The following RBFOX1 variants were observed in gnomAD, a reference collection of about 807,000 sequenced individuals.
RBFOX1 encodes the protein RNA binding fox-1 homolog 1, also known as RNA binding protein fox-1 homolog 1.
Under a neutral mutation model 57.7 loss-of-function variants are expected in RBFOX1, and 8 were observed. The ratio of observed to expected loss-of-function variants is 0.14; its 90% CI spans 0.08 to 0.25. RBFOX1 has a LOEUF of 0.25. Ranked by LOEUF, RBFOX1 falls within the 10% of genes least tolerant of loss-of-function variation. The pLI, the probability that RBFOX1 is intolerant of heterozygous loss-of-function variation, is 1.00. For missense variants in RBFOX1, 611 were observed against 548.5 expected (o/e 1.11, Z -1.14); for synonymous variants, 326 against 222.4 (o/e 1.47, Z -4.15).
At position 7,232,940 on chromosome 16, in the gene RBFOX1, C is replaced by G. The variant is rs189219898; in HGVS notation, c.27+180842C>G. ...TAGCAAACCCTGTCAAATTTGTATTCCCATATTTCTCAAAACTTGTTCTTC... is the reference window on the plus strand; with the variant it reads ...TAGCAAACCCTGTCAAATTTGTATTGCCATATTTCTCAAAACTTGTTCTTC... On this transcript the variant is annotated intron_variant, in intron 4 of 15. Coordinates refer to ENST00000550418, the MANE Select transcript of RBFOX1 (RefSeq NM_018723.4). Among the ~76,000 whole-genome samples, 1,251 of 151,884 alleles carry G rather than the reference C, an allele frequency of 8.2e-3. 12 individuals are homozygous for G. Among genetic ancestry groups the G allele is most frequent in the Non-Finnish European group, 0.012 (803 of 67,976 alleles).
intron 14 of RBFOX1, among the ~76,000 whole-genome samples, chr16:7,677,152 C>CACACACACAA (rs1362543734): frequency 6.6e-6 from 1 of 151,732 alleles, no homozygotes; most frequent in Non-Finnish European, 1.5e-5. Context: ...CACACACACA[C>CACACACACAA]ACACACACCG....
intron 3 of RBFOX1, among the ~76,000 whole-genome samples, chr16:5,818,786 T>G (rs2055740481): frequency 1.3e-5 from 2 of 152,178 alleles, no homozygotes; most frequent in Admixed American, 1.3e-4. Flanking sequence ...CCCTGAGCAT[T>G]GGATCCCTGT....
At chr16:7,379,005 A>G (rs1270116431) in intron 4 of RBFOX1, among the ~76,000 whole-genome samples, 1 of 152,120 alleles carries the variant, frequency 6.6e-6, no homozygotes, top group Admixed American at 6.5e-5. Context: ...TTAGATATCT[A>G]CTCTCTAAAT....
intron 1 of RBFOX1, among the ~76,000 whole-genome samples, chr16:6,156,805 G>A (rs974647221): frequency 6.6e-6 from 1 of 152,066 alleles, no homozygotes; most frequent in African/African-American, 2.4e-5. Context: ...TGCTGAAATG[G>A]GTAGTCTGTA....
At chr16:6,237,158 T>C (rs1431144326) in intron 1 of RBFOX1, among the ~76,000 whole-genome samples, 2 of 152,236 alleles carry the variant, frequency 1.3e-5, no homozygotes, top group African/African-American at 4.8e-5. Flanking sequence ...AAAATCTTAC[T>C]GGCAAGGGTA....
intron 3 of RBFOX1, among the ~76,000 whole-genome samples, chr16:6,962,389 C>G (rs1454813853): frequency 2.0e-5 from 3 of 152,134 alleles, no homozygotes; most frequent in African/African-American, 4.8e-5. Context: ...TTCGACTTAT[C>G]TTTTTAGGAG....
chr16:7,277,259 A>T (rs1004331839), intron 4 of RBFOX1, among the ~76,000 whole-genome samples: 1 of 152,140 alleles, frequency 6.6e-6, no homozygotes, highest in South Asian at 2.1e-4. Context: ...AAAGATGAGG[A>T]TGGATTTTCA....
chr16:7,709,212 G>T lies in RBFOX1; in HGVS notation c.1071+81G>T, dbSNP rs543243429. 4.6e-6 allele frequency: 6 copies of T among 1,305,304 alleles called. No homozygotes were observed. The South Asian group carries it at 5.3e-5, about 11-fold the overall frequency. The allele number at this position is 1,305,304 out of a possible 1,614,324, so 80.9% of individuals were successfully genotyped here. ...AGCTGGGACCTCAGTACGGGTTGAC[G>T]TCCTCTCACTTCCCGTTAATTGAAT... On this transcript the variant is annotated intron_variant, in intron 15 of 15. Transcript: ENST00000550418.
intron 2 of RBFOX1, among the ~76,000 whole-genome samples, chr16:6,585,340 A>T (rs1341322207): frequency 1.3e-5 from 2 of 152,198 alleles, no homozygotes; most frequent in Non-Finnish European, 2.9e-5. Context: ...TTATGGTGTG[A>T]GGAAGTGCTG....
intron 1 of RBFOX1, among the ~76,000 whole-genome samples, chr16:6,205,839 T>G (rs1194909347): frequency 6.9e-6 from 1 of 144,622 alleles, no homozygotes; most frequent in African/African-American, 2.6e-5. Flanking sequence ...CATTTCCCTT[T>G]GAACAAGAGC....
At chr16:6,138,313 C>G in intron 1 of RBFOX1, among the ~76,000 whole-genome samples, 1 of 152,146 alleles carries the variant, frequency 6.6e-6, no homozygotes, top group East Asian at 1.9e-4. Flanking sequence ...TGTATTGGGT[C>G]ATATGTAACA....
chr16:6,834,253 T>G (rs930436525), intron 3 of RBFOX1, among the ~76,000 whole-genome samples: 3 of 151,932 alleles, frequency 2.0e-5, no homozygotes, highest in Non-Finnish European at 4.4e-5. Flanking sequence ...TTTATATTTT[T>G]TAGTAGAGAT....
chr16:6,137,880 G>T lies in RBFOX1; in HGVS notation c.-127+117888G>T, dbSNP rs572960096. On this transcript the variant is annotated intron_variant, in intron 1 of 15. Transcript: ENST00000550418. ...CTGCCTCAATCTCCCAAAGTGTTGG[G>T]ATCACAGACATGAACCCGTACACCA... is the stretch of plus-strand genomic sequence containing the variant. Among the ~76,000 whole-genome samples the T allele has an allele frequency of 6.6e-5, 10 of 152,160 alleles. No individual in the cohort carries two copies. The South Asian group carries it at 1.2e-3, about 19-fold the overall frequency.
rs1220217313 is a variant in RBFOX1 at position 5,964,768 on chromosome 16, TATATACACAC to T, written c.351+97445_351+97454del. Among the ~76,000 whole-genome samples the T allele has an allele frequency of 9.9e-5, 15 of 152,088 alleles. No homozygotes were observed. The East Asian group carries it at 2.3e-3, about 24-fold the overall frequency. ...TTATGTGTGTGTATATGTATATATA[TATATACACAC>T]ATATACACACACACATTGGTGCATA... On this transcript the variant is annotated intron_variant, in intron 4 of 19. Transcript: ENST00000641259.
At chr16:5,269,108 G>A (rs950960926) in intron 1 of RBFOX1, among the ~76,000 whole-genome samples, 1 of 152,094 alleles carries the variant, frequency 6.6e-6, no homozygotes, top group African/African-American at 2.4e-5. Flanking sequence ...GTAGAGACAG[G>A]GTTTCACCAT....
At chr16:5,347,994 C>CCCATCCAT (rs977412632) in intron 1 of RBFOX1, among the ~76,000 whole-genome samples, 1 of 146,600 alleles carries the variant, frequency 6.8e-6, no homozygotes, top group Non-Finnish European at 1.5e-5. Context: ...CATCTACCTG[C>CCCATCCAT]CCATCCATCC....
At chr16:6,927,679 C>T (rs2075844903) in intron 3 of RBFOX1, among the ~76,000 whole-genome samples, 1 of 151,700 alleles carries the variant, frequency 6.6e-6, no homozygotes, top group Admixed American at 6.6e-5. Flanking sequence ...CACCTGCTGC[C>T]CTTTGGGGGA....
intron 2 of RBFOX1, among the ~76,000 whole-genome samples, chr16:5,575,070 A>G (rs1394270417): frequency 3.3e-5 from 5 of 152,204 alleles, no homozygotes; most frequent in Admixed American, 2.6e-4. Flanking sequence ...ATATAACAGC[A>G]TCTCCTGAAG....
intron 4 of RBFOX1, among the ~76,000 whole-genome samples, chr16:7,458,169 A>G (rs6500971): frequency 6.6e-6 from 1 of 152,200 alleles, no homozygotes; most frequent in Admixed American, 6.5e-5. Context: ...CCACACGTCT[A>G]TACTGCCAGA....
Sources: gnomAD v4.1 joint callset for allele counts (sites outside exome capture counted in the v4.1 genomes callset) on GRCh38, gnomAD v4.1.1 for gene constraint, MANE v1.5 for transcripts, NCBI Gene and HGNC (gene_info 2026-07-23, HGNC 2026-07-21) for gene names.